MAOB: variants seen among roughly 807,000 people sequenced by gnomAD.
The protein encoded by MAOB is amine oxidase [flavin-containing] B.
MAOB carries 15 observed loss-of-function variants against 41.9 expected under a neutral mutation model. The ratio of observed to expected loss-of-function variants is 0.36; its 90% CI spans 0.24 to 0.55. The LOEUF (loss-of-function observed/expected upper bound fraction) is 0.55. Ranked by LOEUF, MAOB falls within the 20% of genes least tolerant of loss-of-function variation. The pLI is 0.86. For synonymous variants in MAOB, 167 were observed against 144.2 expected, an observed-to-expected ratio of 1.16 and a Z score of -1.13; for missense variants, 345 against 398.7, an observed-to-expected ratio of 0.87 and a Z score of 1.15.
chrX:43,778,798 T>C, intron 10 of MAOB, 59 bp from the exon 11 acceptor site: 2 of 910,944 alleles, frequency 2.2e-6, no homozygotes, highest in Admixed American at 4.9e-5. Flanking sequence ...AAAAAAAAAG[T>C]GGGAAAGAGG....
At chrX:43,799,266 A>G (rs2034565327) in intron 5 of MAOB, among the ~76,000 whole-genome samples, 1 of 112,482 alleles carries the variant, frequency 8.9e-6, no homozygotes, top group Non-Finnish European at 1.9e-5. Context: ...TTGCTAGCTC[A>G]TGCCTTCCTT....
intron 11 of MAOB, among the ~76,000 whole-genome samples, chrX:43,776,960 T>G (rs769582811): frequency 9.0e-6 from 1 of 111,352 alleles, no homozygotes; most frequent in Admixed American, 9.5e-5. Flanking sequence ...TATGGCTGCA[T>G]AGTATTCCAT....
intron 14 of MAOB, among the ~76,000 whole-genome samples, chrX:43,768,003 A>C (rs2034133269): frequency 8.9e-6 from 1 of 112,161 alleles, no homozygotes; most frequent in Non-Finnish European, 1.9e-5. Context: ...TAGTAAATGA[A>C]TCAATGGTCC....
At chrX:43,882,193 C>A in intron 1 of MAOB, 61 bp downstream of exon 1, 1 of 1,193,649 alleles carries the variant, frequency 8.4e-7, no homozygotes, top group African/African-American at 1.7e-5. Context: ...CCCGCGTCTC[C>A]CCCAGGCAGC....
chrX:43,804,444 C>T (rs1256753327), intron 3 of MAOB, among the ~76,000 whole-genome samples: 4 of 105,665 alleles, frequency 3.8e-5, no homozygotes, highest in African/African-American at 1.4e-4. Flanking sequence ...AGAAACAGAA[C>T]CAACAGGAGA....
At chrX:43,880,836 C>T (rs1013860165) in intron 1 of MAOB, among the ~76,000 whole-genome samples, 1 of 111,971 alleles carries the variant, frequency 8.9e-6, no homozygotes, top group African/African-American at 3.2e-5. Context: ...AAAATGACTT[C>T]GGGGGCCTGA....
chrX:43,823,121 C>T (rs1377917605), intron 3 of MAOB, among the ~76,000 whole-genome samples: 1 of 108,200 alleles, frequency 9.2e-6, no homozygotes, highest in Non-Finnish European at 1.9e-5. Context: ...ACCCAGGCCC[C>T]TCTGGGTTCT....
chrX:43,793,074 T>C (rs747262854), intron 8 of MAOB, among the ~76,000 whole-genome samples: 5 of 112,170 alleles, frequency 4.5e-5, no homozygotes, highest in Non-Finnish European at 9.4e-5. Context: ...TGAATCAATG[T>C]AGAAACAGAA....
rs765661321 is a variant in MAOB at position 43,789,697 on chromosome X, A to G, written c.928+3722T>C. ...AGGAAGCCTGTCCTTGCAAATTCAC[A>G]AAGATGTTACACACTAAGAGACTGG... On this transcript the variant is annotated intron_variant, in intron 8 of 14. Transcript: ENST00000378069. 4.5e-5 allele frequency among the ~76,000 whole-genome samples: 5 copies of G among 111,696 alleles called. No homozygotes were observed. In the South Asian group the frequency reaches 1.5e-3, roughly 33 times the overall value.
chrX:43,788,927 T>A (rs1469758490), intron 8 of MAOB, among the ~76,000 whole-genome samples: 1 of 111,132 alleles, frequency 9.0e-6, no homozygotes, highest in Non-Finnish European at 1.9e-5. Context: ...AGGTTGAGTA[T>A]CCTTATCCCT....
chrX:43,857,257 C>T (rs1051167770), intron 1 of MAOB, among the ~76,000 whole-genome samples: 6 of 102,129 alleles, frequency 5.9e-5, no homozygotes, highest in Non-Finnish European at 7.9e-5. Context: ...CTCAGCTCAC[C>T]GCAACCTCTA....
intron 5 of MAOB, among the ~76,000 whole-genome samples, chrX:43,800,955 A>T (rs2034585666): frequency 9.0e-6 from 1 of 110,621 alleles, no homozygotes; most frequent in Non-Finnish European, 1.9e-5. Context: ...CTACAACACG[A>T]TTTTTTAAAA....
chrX:43,881,119 C>T (rs933292353), intron 1 of MAOB, among the ~76,000 whole-genome samples: 1 of 113,158 alleles, frequency 8.8e-6, no homozygotes, highest in Non-Finnish European at 1.9e-5. Flanking sequence ...GATGTGGTAG[C>T]CTGAGATCCC....
At chrX:43,878,741 T>C (rs1251072309) in intron 1 of MAOB, among the ~76,000 whole-genome samples, 1 of 110,547 alleles carries the variant, frequency 9.0e-6, no homozygotes, top group Non-Finnish European at 1.9e-5. Flanking sequence ...ACCACACACC[T>C]CAACTCATAA....
chrX:43,870,495 C>G, intron 1 of MAOB, among the ~76,000 whole-genome samples: 1 of 111,430 alleles, frequency 9.0e-6, no homozygotes, highest in Non-Finnish European at 1.9e-5. Context: ...CTCTTGCATC[C>G]TTGGTGGAGG....
chrX:43,804,810 C>T lies in MAOB; in HGVS notation c.280-1406G>A, dbSNP rs185936130. 1.3e-4 allele frequency among the ~76,000 whole-genome samples: 14 copies of T among 111,752 alleles called. No individual in the cohort carries two copies. In the South Asian group the frequency reaches 1.5e-3, roughly 12 times the overall value. On this transcript the variant is annotated intron_variant, in intron 3 of 14. Transcript: ENST00000378069. ...CATTCACATTATGGAAGTTAATCTG[C>T]TTTGCTCAAAGTCTACTGATTTAAA...
At chrX:43,845,231 T>C (rs1346228439) in intron 1 of MAOB, among the ~76,000 whole-genome samples, 1 of 111,548 alleles carries the variant, frequency 9.0e-6, no homozygotes, top group African/African-American at 3.3e-5. Flanking sequence ...CTGAATGTGC[T>C]CAGTTCCAAT....
At chrX:43,789,930 T>A (rs1056905362) in intron 8 of MAOB, among the ~76,000 whole-genome samples, 6 of 111,793 alleles carry the variant, frequency 5.4e-5, no homozygotes, top group African/African-American at 1.9e-4. Flanking sequence ...ATGCTGGGAT[T>A]GGGTGGGGGG....
intron 3 of MAOB, among the ~76,000 whole-genome samples, chrX:43,817,309 C>T (rs776013645): frequency 2.1e-4 from 23 of 110,245 alleles, no homozygotes; most frequent in Non-Finnish European, 3.8e-4. Flanking sequence ...GCAGATTGCC[C>T]GAAATCAGTT....
Sources: allele counts gnomAD v4.1 joint callset (sites outside exome capture counted in the v4.1 genomes callset), GRCh38; gene constraint gnomAD v4.1.1; transcripts MANE v1.5; gene names NCBI Gene and HGNC (gene_info 2026-07-23, HGNC 2026-07-21).